Variants in CELSR2 observed in about 807,000 individuals in gnomAD.
The protein encoded by CELSR2 is cadherin EGF LAG seven-pass G-type receptor 2, also known as EGF-like protein 2.
A neutral mutation model predicts 251.6 loss-of-function variants in CELSR2; 81 were observed. That is an observed-to-expected ratio of 0.32 (90% CI 0.27 to 0.39). The LOEUF (loss-of-function observed/expected upper bound fraction) is 0.39. Ranked by LOEUF, CELSR2 falls within the 10% of genes least tolerant of loss-of-function variation. The pLI is 1.00. For synonymous variants in CELSR2, 1,721 were observed against 1,670.5 expected (o/e 1.03, Z -0.74); for missense variants, 3,365 against 3,947.7 (o/e 0.85, Z 3.96).
At chr1:109,265,650 C>T in intron 13 of CELSR2, 85 bp from the exon 14 acceptor site, 1 of 1,519,398 alleles carries the variant, frequency 6.6e-7, no homozygotes. Flanking sequence ...GGGACCCTCT[C>T]CACAGGGGCC....
At position 109,265,861 on chromosome 1, in the gene CELSR2, C is replaced by A; in HGVS notation, c.5854C>A (p.Arg1952Ser). The A allele has an allele frequency of 6.2e-7, 1 of 1,614,076 alleles. No individual in the cohort carries two copies. Among genetic ancestry groups the A allele is most frequent in the Admixed American group, 1.7e-5 (1 of 60,026 alleles). ...TCCATGCAAGCCAGGTGTCATCGGG[C>A]GTCAGTGTGACCGCTGTGACAACCC... ...QCPCKPGVIG[R>S]QCDRCDNPFA... The change falls in exon 14 of 34, where the codon CGT (arginine) becomes AGT (serine). Residue 1952 changes from arginine to serine, a missense_variant. Arg to Ser is a moderately radical substitution (Grantham distance 110). Around this residue, in one of 5 missense-constraint regions of CELSR2, gnomAD observed 2,093 missense variants for 2,382.8 expected, o/e 0.88. Transcript: ENST00000271332.
chr1:109,250,733 C>T lies in CELSR2; in HGVS notation c.654C>T (p.Tyr218=), dbSNP rs1655662945. The T allele has an allele frequency of 6.2e-7, 1 of 1,614,038 alleles. No individual in the cohort carries two copies. The highest frequency in any genetic ancestry group is 1.1e-5 in the South Asian group (1 of 91,092). Residue 218 remains tyrosine (Y), a synonymous_variant, in exon 1 of 34, where the codon TAC becomes TAT. Transcript: ENST00000271332. The surrounding 1 kb of genome is among the most constrained non-coding windows in gnomAD (Gnocchi z 4.4). The stretch of plus-strand genomic sequence containing the variant: ...AGGGTGAGGCAGGTCGACTGGAGTA[C>T]ACCATGGATGCCCTCTTTGATAGCC... The part of the protein sequence containing the change: ...PDEGEAGRLE[Y]TMDALFDSRS...
Position 109,249,637 on chromosome 1 carries a change from C to T in CELSR2, c.-443C>T, listed in dbSNP as rs1003010080. Among the ~76,000 whole-genome samples, 35 of 146,342 alleles carry T rather than the reference C, an allele frequency of 2.4e-4. No homozygotes were observed. The highest frequency in any genetic ancestry group is 4.3e-4 in the Non-Finnish European group (28 of 65,874). On this transcript the variant is annotated 5_prime_UTR_variant, in exon 1 of 34. Coordinates refer to ENST00000271332, the MANE Select transcript of CELSR2 (RefSeq NM_001408.3). ...CCGCGGCGGGGACGCGGGGCGCGAG[C>T]GGGCGGCGCGGGACCGTCGGGGGCC...
chr1:109,260,064 G>C lies in CELSR2; in HGVS notation c.3959-978G>C, dbSNP rs1655975416. Among the ~76,000 whole-genome samples, 3 of 145,466 alleles carry C rather than the reference G, an allele frequency of 2.1e-5. No homozygotes were observed. The South Asian group carries it at 7.1e-4, about 35-fold the overall frequency. On this transcript the variant is annotated intron_variant, in intron 2 of 33. Coordinates refer to ENST00000271332, the MANE Select transcript of CELSR2 (RefSeq NM_001408.3). ...CACTCCTTCCCCGCTGCATCTTCCT[G>C]CCCAGAACTTGCCAGACTTGACTTC...
At chr1:109,253,509 T>C (rs1012902240) in intron 1 of CELSR2, 120 bp downstream of exon 1, 2 of 1,457,420 alleles carry the variant, frequency 1.4e-6, no homozygotes, top group African/African-American at 2.8e-5. Context: ...GCCCAGTGCC[T>C]GGCACAGAGC....
At chr1:109,255,449 G>A (rs1222783187) in intron 1 of CELSR2, among the ~76,000 whole-genome samples, 2 of 152,296 alleles carry the variant, frequency 1.3e-5, no homozygotes, top group East Asian at 3.9e-4. Flanking sequence ...AGCCTGGGCC[G>A]ATGGCTCCCC....
rs1235458188 is a variant in CELSR2 at position 109,271,701 on chromosome 1, C to T, written c.7905C>T (p.Thr2635=). 1.2e-6 allele frequency: 2 copies of T among 1,613,990 alleles called. No individual in the cohort carries two copies. Among genetic ancestry groups the T allele is most frequent in the Middle Eastern group, 1.6e-4 (1 of 6,062 alleles). The change falls in exon 28 of 34, where the codon ACC becomes ACT. Residue 2635 remains threonine, a synonymous_variant. Coordinates refer to ENST00000271332, the MANE Select transcript of CELSR2 (RefSeq NM_001408.3). ...AGCCCAGCCCTGACCCTGCTCTGACCACCAAGTCCACCCTGACCTCGGTGA... is the reference window on the plus strand; with the variant it reads ...AGCCCAGCCCTGACCCTGCTCTGACTACCAAGTCCACCCTGACCTCGGTGA... ...SRKPSPDPAL[T]TKSTLTSSYN... is the part of the protein sequence containing the mutation.
rs767921181 is a variant in CELSR2, at chr1:109,269,390, C to G, written c.6813-34C>G. ...GGCGTCTCCCCAGTCATGTGACTGCCGTGGTGACTGTGCACCTGACTGCCC... is the reference window on the plus strand; with the variant it reads ...GGCGTCTCCCCAGTCATGTGACTGCGGTGGTGACTGTGCACCTGACTGCCC... On this transcript the variant is annotated intron_variant, in intron 20 of 33. Coordinates refer to ENST00000271332, the MANE Select transcript of CELSR2 (RefSeq NM_001408.3). This position sits in a 1 kb window ranked among gnomAD's most constrained non-coding sequence, Gnocchi z 6.4. The G allele has an allele frequency of 6.2e-7, 1 of 1,610,934 alleles. No homozygotes were observed. Among genetic ancestry groups the G allele is most frequent in the African/African-American group, 1.3e-5 (1 of 74,846 alleles).
At chr1:109,263,468 C>A in intron 8 of CELSR2, 143 bp from the exon 9 acceptor site, 1 of 1,388,522 alleles carries the variant, frequency 7.2e-7, no homozygotes, top group East Asian at 2.4e-5. Context: ...TGGGGCGGTC[C>A]CAGGGCAGGT....
In CELSR2 at chr1:109,250,824, C is replaced by G. The variant is rs767957734; in HGVS notation, c.745C>G (p.Arg249Gly). The G allele has an allele frequency of 1.9e-6, 3 of 1,614,044 alleles. No homozygotes were observed. Among genetic ancestry groups the G allele is most frequent in the Non-Finnish European group, 1.7e-6 (2 of 1,180,024 alleles). Reference sequence around the variant, plus strand: ...AGTAACCACAGCCGAGGAGCTGGATCGTGAGACCAAGAGCACCCACGTCTT... The same window carrying G: ...AGTAACCACAGCCGAGGAGCTGGATGGTGAGACCAAGAGCACCCACGTCTT... ...GAVTTAEELD[R>G]ETKSTHVFRV... The change falls in exon 1 of 34, where the codon CGT becomes GGT. Residue 249 changes from arginine to glycine, a missense_variant. Coordinates refer to ENST00000271332, the MANE Select transcript of CELSR2 (RefSeq NM_001408.3). The surrounding 1 kb of genome is among the most constrained non-coding windows in gnomAD (Gnocchi z 4.4).
chr1:109,265,838 C>A lies in CELSR2; in HGVS notation c.5831C>A (p.Pro1944Gln), dbSNP rs1656170861. 2 of 1,614,010 alleles carry A rather than the reference C, an allele frequency of 1.2e-6. No homozygotes were observed. The highest frequency in any genetic ancestry group is 2.2e-5 in the South Asian group (2 of 91,092). The change falls in exon 14 of 34, where the codon CCA becomes CAA. Residue 1944 changes from proline (P) to glutamine (Q), a missense_variant. Around this residue, in one of 5 missense-constraint regions of CELSR2, gnomAD observed 2,093 missense variants for 2,382.8 expected, o/e 0.88. Coordinates refer to ENST00000271332, the MANE Select transcript of CELSR2 (RefSeq NM_001408.3). ...RVCDPEDGQC[P>Q]CKPGVIGRQC... ...TGTGACCCTGAGGATGGCCAGTGTC[C>A]ATGCAAGCCAGGTGTCATCGGGCGT...
chr1:109,270,629 T>C, intron 24 of CELSR2, 29 bp downstream of exon 24: 3 of 1,091,946 alleles, frequency 2.7e-6, no homozygotes. Context: ...AGTCTTGGGG[T>C]CCCACATCCC....
intron 1 of CELSR2, among the ~76,000 whole-genome samples, chr1:109,254,483 GAGA>G (rs1288676118): frequency 6.6e-6 from 1 of 152,182 alleles, no homozygotes; most frequent in Non-Finnish European, 1.5e-5. Context: ...TAGCAGCAGG[GAGA>G]AGACCACACC....
At position 109,263,668 on chromosome 1, in the gene CELSR2, C is replaced by G. The variant is rs139381040; in HGVS notation, c.4892C>G (p.Ser1631Trp). 6.2e-7 allele frequency: 1 copy of G among 1,614,036 alleles called. No homozygotes were observed. Among genetic ancestry groups the G allele is most frequent in the Non-Finnish European group, 8.5e-7 (1 of 1,179,978 alleles). Residue 1631 changes from serine to tryptophan, a missense_variant, in exon 9 of 34, where the codon TCG becomes TGG. Physicochemically the swap from Ser to Trp is radical, Grantham distance 177. This residue lies in a region of CELSR2 where 2,093 missense variants were observed against 2,382.8 expected (regional missense o/e 0.88). Coordinates refer to ENST00000271332, the MANE Select transcript of CELSR2 (RefSeq NM_001408.3). ...AGCCTGGTGGCCTGGCATGGCCTCT[C>G]GCTGCCCATCTCCCAACCCTGGTAC... ...GSSLVAWHGL[S>W]LPISQPWYLS...
chr1:109,249,991 C>A lies in CELSR2; in HGVS notation c.-89C>A, dbSNP rs1655629013. 7 of 1,181,824 alleles carry A rather than the reference C, an allele frequency of 5.9e-6. No homozygotes were observed. The highest frequency in any genetic ancestry group is 7.4e-6 in the Non-Finnish European group (7 of 952,364). 73.2% of individuals were successfully genotyped at this position (1,181,824 alleles called of 1,614,324 possible). On this transcript the variant is annotated 5_prime_UTR_variant, in exon 1 of 34. Transcript: ENST00000271332. ...AGGCCCCCGGGGACTGGCGCCCTGG[C>A]CCGGGCATGAGGCGCGGCGGGGCCG... is the stretch of plus-strand genomic sequence containing the variant.
At chr1:109,265,462 C>T (rs138214932) in intron 13 of CELSR2, 151 bp downstream of exon 13, 5 of 967,752 alleles carry the variant, frequency 5.2e-6, no homozygotes, top group Middle Eastern at 2.6e-4. Flanking sequence ...GGCTGCTTAC[C>T]TTCGTGTGTC....
At position 109,270,437 on chromosome 1, in the gene CELSR2, A is replaced by G; in HGVS notation, c.7320A>G (p.Thr2440=). The part of the protein sequence containing the change: ...INQADLPFAC[T]VIAILLHFLY... The stretch of plus-strand genomic sequence containing the variant: ...GCCTGGGCCCTCAGTTTGCCTGCAC[A>G]GTCATTGCCATCCTGCTGCACTTCC... The change falls in exon 24 of 34, where the codon ACA becomes ACG. Residue 2440 remains threonine (T), a synonymous_variant. Transcript: ENST00000271332. 6.2e-7 allele frequency: 1 copy of G among 1,614,188 alleles called. No homozygotes were observed. The highest frequency in any genetic ancestry group is 8.5e-7 in the Non-Finnish European group (1 of 1,180,026).
At position 109,261,374 on chromosome 1, in the gene CELSR2, C is replaced by G. The variant is rs1656017091; in HGVS notation, c.4181+110C>G. Reference sequence around the variant, plus strand: ...GGCAGTGAAAGCGTGGAGCAGGCTGCCGGCAGAGCCAGGTCTGCTCTTGGA... The same window carrying G: ...GGCAGTGAAAGCGTGGAGCAGGCTGGCGGCAGAGCCAGGTCTGCTCTTGGA... On this transcript the variant is annotated intron_variant, in intron 3 of 33. Transcript: ENST00000271332. This position sits in a 1 kb window ranked among gnomAD's most constrained non-coding sequence, Gnocchi z 4.8. The G allele has an allele frequency of 1.0e-5, 14 of 1,354,224 alleles. No individual in the cohort carries two copies. The highest frequency in any genetic ancestry group is 1.3e-5 in the Non-Finnish European group (12 of 958,160). 83.9% of individuals were successfully genotyped at this position (1,354,224 alleles called of 1,614,324 possible). A position where few individuals can be genotyped will look rare whatever the true frequency, so the allele number is the denominator to read the frequency against.
In CELSR2 at chr1:109,258,930, G is replaced by A; in HGVS notation, c.3809G>A (p.Gly1270Glu). ...SVLFRPIHPV[G>E]GLRCRCPPGF... ...CTCTTCCGGCCCATCCACCCCGTCGGAGGGCTGCGCTGCCGCTGCCCGCCC... is the reference window on the plus strand; with the variant it reads ...CTCTTCCGGCCCATCCACCCCGTCGAAGGGCTGCGCTGCCGCTGCCCGCCC... Residue 1270 changes from glycine (G) to glutamate (E), a missense_variant, in exon 2 of 34, where the codon GGA becomes GAA. Physicochemically the swap from Gly to Glu is moderately conservative, Grantham distance 98 (BLOSUM62 -2). Around this residue, in one of 5 missense-constraint regions of CELSR2, gnomAD observed 2,093 missense variants for 2,382.8 expected, o/e 0.88. Coordinates refer to ENST00000271332, the MANE Select transcript of CELSR2 (RefSeq NM_001408.3). The A allele has an allele frequency of 6.2e-7, 1 of 1,612,040 alleles. No individual in the cohort carries two copies. The highest frequency in any genetic ancestry group is 8.5e-7 in the Non-Finnish European group (1 of 1,179,574).
Sources: allele counts gnomAD v4.1 joint callset (sites outside exome capture counted in the v4.1 genomes callset), GRCh38; gene constraint gnomAD v4.1.1; regional missense constraint gnomAD v4.1.1; non-coding constraint Gnocchi (gnomAD v3.1); transcripts MANE v1.5; gene names NCBI Gene and HGNC (gene_info 2026-07-23, HGNC 2026-07-21).